PCDHA3: variants seen among roughly 807,000 people sequenced by gnomAD.
PCDHA3 encodes protocadherin alpha-3.
Under a neutral mutation model 62.2 loss-of-function variants are expected in PCDHA3, and 41 were observed. The ratio of observed to expected loss-of-function variants is 0.66; its 90% confidence interval spans 0.51 to 0.86. The LOEUF (loss-of-function observed/expected upper bound fraction) is 0.86. Ranked by LOEUF, PCDHA3 falls within the 40% of genes least tolerant of loss-of-function variation. The pLI, the probability that PCDHA3 is intolerant of heterozygous loss-of-function variation, is 0.00. For missense variants in PCDHA3, 1,304 were observed against 1,241.2 expected, an observed-to-expected ratio of 1.05 and a Z score of -0.76; for synonymous variants, 640 against 555.4, an observed-to-expected ratio of 1.15 and a Z score of -2.14.
At chr5:140,846,310 A>G (rs1373754894) in intron 1 of PCDHA3, among the ~76,000 whole-genome samples, 4 of 145,832 alleles carry the variant, frequency 2.7e-5, no homozygotes, top group African/African-American at 1.0e-4. Context: ...TAAACCATTT[A>G]TGTAGAGTGT....
chr5:140,810,870 C>T (rs900073514), intron 1 of PCDHA3: 3 of 152,002 alleles, frequency 2.0e-5, no homozygotes, highest in East Asian at 1.9e-4. Context: ...TCAATTTTTG[C>T]TTCTGATCCT....
intron 1 of PCDHA3, chr5:140,875,436 A>G (rs782083459): frequency 6.4e-7 from 1 of 1,564,660 alleles, no homozygotes; most frequent in Non-Finnish European, 8.6e-7. Flanking sequence ...ATCCCTTAAA[A>G]CTGATTGTCC....
At chr5:140,811,787 A>G (rs1195169944) in intron 1 of PCDHA3, 2 of 152,190 alleles carry the variant, frequency 1.3e-5, no homozygotes, top group Non-Finnish European at 1.5e-5. Flanking sequence ...TGTTGGCTGC[A>G]TAAATGTCTT....
At position 140,923,318 on chromosome 5, in the gene PCDHA3, A is replaced by G. The variant is rs189105018; in HGVS notation, c.2395-55631A>G. Among the ~76,000 whole-genome samples the G allele has an allele frequency of 8.1e-3, 1,226 of 152,276 alleles. 6 individuals are homozygous for G. The highest frequency in any genetic ancestry group is 0.019 in the African/African-American group (794 of 41,558). On this transcript the variant is annotated intron_variant, in intron 1 of 3. Transcript: ENST00000522353. ...CTGGGCGTGGGGGCGCTTGGCCTAG[A>G]AGTTCAAGGACAGTTTGGGCAACAT...
intron 1 of PCDHA3, chr5:140,828,694 C>T (rs2150157980): frequency 6.2e-7 from 1 of 1,614,198 alleles, no homozygotes; most frequent in South Asian, 1.1e-5. Context: ...AATCCTTGGA[C>T]AGAGAGGAAG....
chr5:140,993,446 TCTC>T (rs1262965335), intron 3 of PCDHA3, among the ~76,000 whole-genome samples: 4 of 146,376 alleles, frequency 2.7e-5, no homozygotes, highest in Non-Finnish European at 6.0e-5. Flanking sequence ...TCATTCCTGT[TCTC>T]CTTCTTTCTT....
chr5:140,829,140 T>A (rs2150162914), intron 1 of PCDHA3: 1 of 1,613,462 alleles, frequency 6.2e-7, no homozygotes, highest in Non-Finnish European at 8.5e-7. Flanking sequence ...GTCCCTGAGA[T>A]AGCACTGACT....
chr5:140,802,583 G>A lies in PCDHA3; in HGVS notation c.1386G>A (p.Val462=). The change falls in exon 1 of 4, where the codon GTG becomes GTA. Residue 462 remains valine, a synonymous_variant. Coordinates refer to ENST00000522353, the MANE Select transcript of PCDHA3 (RefSeq NM_018906.3). ...APAFSQSEYT[V]FVKENNPPGC... ...CATTCTCGCAGTCCGAGTACACGGT[G>A]TTCGTGAAGGAGAACAACCCGCCGG... The A allele has an allele frequency of 1.2e-6, 2 of 1,613,990 alleles. No homozygotes were observed. Among genetic ancestry groups the A allele is most frequent in the Non-Finnish European group, 1.7e-6 (2 of 1,179,980 alleles).
chr5:140,972,386 A>G (rs2096534472), intron 1 of PCDHA3, among the ~76,000 whole-genome samples: 1 of 148,802 alleles, frequency 6.7e-6, no homozygotes, highest in African/African-American at 2.5e-5. Flanking sequence ...GTATTTGTTT[A>G]TTTGCTTCAC....
chr5:140,866,363 C>T (rs550714417), intron 1 of PCDHA3: 20 of 152,216 alleles, frequency 1.3e-4, no homozygotes, highest in Non-Finnish European at 2.2e-4. Context: ...TACAATATTG[C>T]ATACTTCAAT....
intron 1 of PCDHA3, chr5:140,882,238 G>T: frequency 6.3e-7 from 1 of 1,583,494 alleles, no homozygotes; most frequent in Non-Finnish European, 8.6e-7. Context: ...TGTATATATT[G>T]CAGATAGCTC....
In PCDHA3 at chr5:141,009,880, C is replaced by G; in HGVS notation, c.2796C>G (p.Asn932Lys). The G allele has an allele frequency of 6.2e-7, 1 of 1,613,788 alleles. No individual in the cohort carries two copies. The highest frequency in any genetic ancestry group is 1.1e-5 in the South Asian group (1 of 91,042). The change falls in exon 4 of 4, where the codon AAC (asparagine) becomes AAG (lysine). Residue 932 changes from asparagine to lysine, a missense_variant. By Grantham distance (94) the Asn-to-Lys change is moderately conservative. Transcript: ENST00000522353. ...TKKKKKKKKGNKTQEKKEKGN... is the reference protein window; with the variant it reads ...TKKKKKKKKGKKTQEKKEKGN... ...AAAAGAAGAAAAAGAAGAAGGGTAA[C>G]AAGACCCAGGAGAAAAAAGAGAAAG...
At chr5:140,915,015 G>T (rs1469800021) in intron 1 of PCDHA3, among the ~76,000 whole-genome samples, 3 of 146,766 alleles carry the variant, frequency 2.0e-5, no homozygotes, top group Non-Finnish European at 4.5e-5. Flanking sequence ...GCCTGATCTT[G>T]GCTCACTGCA....
chr5:140,967,876 G>T, intron 1 of PCDHA3: 1 of 1,614,144 alleles, frequency 6.2e-7, no homozygotes, highest in Non-Finnish European at 8.5e-7. Context: ...TCACGGACCT[G>T]TATAGCCCAG....
chr5:140,853,924 T>G, intron 1 of PCDHA3: 1 of 905,060 alleles, frequency 1.1e-6, no homozygotes, highest in Non-Finnish European at 1.3e-6. Flanking sequence ...ATCCCAACAT[T>G]TTGGGAGGCC....
intron 1 of PCDHA3, chr5:140,808,385 A>G (rs534285783): frequency 6.2e-7 from 1 of 1,614,148 alleles, no homozygotes; most frequent in African/African-American, 1.3e-5. Context: ...GCTGGTGTCC[A>G]CCTTCAAGAA....
In PCDHA3 at chr5:140,801,534, C is replaced by A. The variant is rs533872769; in HGVS notation, c.337C>A (p.Pro113Thr). The A allele has an allele frequency of 2.5e-6, 4 of 1,614,218 alleles. 1 individual carries two copies. The South Asian group carries it at 4.4e-5, about 18-fold the overall frequency. The change falls in exon 1 of 4, where the codon CCG becomes ACG. Residue 113 changes from proline to threonine, a missense_variant. Transcript: ENST00000522353. ...SIHLEVIVDR[P>T]LQVFHVEVEV... ...CCACCTGGAGGTGATCGTGGACAGGCCGCTGCAGGTTTTCCATGTGGAGGT... is the reference window on the plus strand; with the variant it reads ...CCACCTGGAGGTGATCGTGGACAGGACGCTGCAGGTTTTCCATGTGGAGGT...
At chr5:140,857,532 AGCGGCG>A (rs1230491450) in intron 1 of PCDHA3, 2 of 1,597,258 alleles carry the variant, frequency 1.3e-6, no homozygotes, top group African/African-American at 2.7e-5. Flanking sequence ...TCTCTGGTGG[AGCGGCG>A]GTTGGGCGAG....
rs570308036 is a variant in PCDHA3 at position 140,863,611 on chromosome 5, C to T, written c.2394+60020C>T. 129 of 339,126 alleles carry T rather than the reference C, an allele frequency of 3.8e-4. 2 individuals are homozygous for T. The highest frequency in any genetic ancestry group is 3.0e-3 in the South Asian group (124 of 41,340). The allele number at this position is 339,126 out of a possible 1,614,324, so 21.0% of individuals were successfully genotyped here. A position where few individuals can be genotyped will look rare whatever the true frequency, so the allele number is the denominator to read the frequency against. On this transcript the variant is annotated intron_variant, in intron 1 of 3. Coordinates refer to ENST00000522353, the MANE Select transcript of PCDHA3 (RefSeq NM_018906.3). ...AAGTATTTCATTCCTATTAATGTCC[C>T]TCATAGTGACATTGATAATGTTCAC...
Sources: gnomAD v4.1 joint callset for allele counts (sites outside exome capture counted in the v4.1 genomes callset) on GRCh38, gnomAD v4.1.1 for gene constraint, MANE v1.5 for transcripts, NCBI Gene and HGNC (gene_info 2026-07-23, HGNC 2026-07-21) for gene names.